Variants in RSPH14 observed in about 807,000 individuals in gnomAD.
RSPH14 encodes rhabdoid tumor deletion region gene 1.
In RSPH14, 20 loss-of-function variants were observed where a neutral mutation model predicts 26.7. That is an observed-to-expected ratio of 0.75 (90% CI 0.53 to 1.09). RSPH14 has a LOEUF of 1.09. Ranked by LOEUF, RSPH14 falls within the 50% of genes least tolerant of loss-of-function variation. The pLI is 0.00. For missense variants in RSPH14, 449 were observed against 457.2 expected (o/e 0.98, Z 0.16); for synonymous variants, 177 against 189.3 (o/e 0.93, Z 0.53).
At chr22:23,109,004 G>C (rs2069565153) in intron 4 of RSPH14, among the ~76,000 whole-genome samples, 1 of 152,240 alleles carries the variant, frequency 6.6e-6, no homozygotes, top group Non-Finnish European at 1.5e-5. Context: ...GAGGCTTCCA[G>C]GGGAGGCTGG....
the RSPH14 span, among the ~76,000 whole-genome samples, chr22:23,150,450 C>T: frequency 3.3e-5 from 5 of 151,948 alleles, no homozygotes; most frequent in Admixed American, 1.3e-4. Flanking sequence ...TACAGGCGCC[C>T]GCCACCACGC....
intron 3 of RSPH14, chr22:23,136,040 G>A (rs534457227): frequency 5.2e-5 from 18 of 344,084 alleles, no homozygotes; most frequent in Middle Eastern, 7.7e-4. Context: ...GTTTTGAATC[G>A]TCTGGAAAAA....
intron 4 of RSPH14, among the ~76,000 whole-genome samples, chr22:23,130,530 A>AAG (rs72334275): frequency 8.0e-6 from 1 of 124,392 alleles, no homozygotes; most frequent in South Asian, 2.7e-4. Context: ...GAAAGAAAGA[A>AAG]AGAGAAAGAA....
upstream of RSPH14, among the ~76,000 whole-genome samples, chr22:23,147,793 C>G (rs2070878961): frequency 6.6e-6 from 1 of 152,188 alleles, no homozygotes. Flanking sequence ...CTTCCTGGCA[C>G]AGACATGAGG....
chr22:23,153,539 C>T, the RSPH14 span: 2 of 984,024 alleles, frequency 2.0e-6, no homozygotes, highest in Middle Eastern at 5.2e-4. Flanking sequence ...AAAATGGGGT[C>T]AAATCCAGTC....
rs750610205 is a variant in RSPH14 at position 23,133,994 on chromosome 22, C to T, written c.421+32G>A. The T allele has an allele frequency of 7.8e-6, 12 of 1,538,898 alleles. No homozygotes were observed. In the South Asian group the frequency reaches 1.3e-4, roughly 17 times the overall value. ...GGAGACCGACGGACAACTTGAGTGC[C>T]CGACAGATCTGTGTGCAGGACGCAA... On this transcript the variant is annotated intron_variant, in intron 4 of 6. Coordinates refer to ENST00000216036, the MANE Select transcript of RSPH14 (RefSeq NM_014433.3).
intron 4 of RSPH14, among the ~76,000 whole-genome samples, chr22:23,074,183 C>A (rs2068449597): frequency 6.6e-6 from 1 of 151,808 alleles, no homozygotes; most frequent in Admixed American, 6.6e-5. Flanking sequence ...GCTGCCCTCC[C>A]AGGAGGAGCT....
upstream of RSPH14, among the ~76,000 whole-genome samples, chr22:23,142,250 T>A (rs2070619087): frequency 6.6e-6 from 1 of 152,232 alleles, no homozygotes; most frequent in South Asian, 2.1e-4. Context: ...CCTCTGATCC[T>A]CAGAGTAAAT....
chr22:23,096,229 C>T (rs752124457), intron 4 of RSPH14: 1 of 1,613,978 alleles, frequency 6.2e-7, no homozygotes, highest in Admixed American at 1.7e-5. Flanking sequence ...TCCTGCGCTC[C>T]CGGGACATGA....
chr22:23,076,672 T>C (rs1370748151), intron 4 of RSPH14, among the ~76,000 whole-genome samples: 1 of 152,232 alleles, frequency 6.6e-6, no homozygotes, highest in Non-Finnish European at 1.5e-5. Flanking sequence ...GTGGGGCCTT[T>C]GTCAGACACG....
intron 6 of RSPH14, among the ~76,000 whole-genome samples, chr22:23,060,200 G>C (rs558080127): frequency 6.6e-6 from 1 of 152,092 alleles, no homozygotes; most frequent in Admixed American, 6.5e-5. Flanking sequence ...AGCTGGGCGC[G>C]GTGGCTCACG....
intron 4 of RSPH14, among the ~76,000 whole-genome samples, chr22:23,090,133 C>T (rs545410307): frequency 4.5e-4 from 68 of 152,256 alleles, no homozygotes; most frequent in Non-Finnish European, 9.0e-4. Context: ...CTCATCTGTA[C>T]TGAGCCCTGG....
At chr22:23,079,379 A>G (rs1010476464) in intron 4 of RSPH14, among the ~76,000 whole-genome samples, 1 of 152,184 alleles carries the variant, frequency 6.6e-6, no homozygotes, top group Admixed American at 6.5e-5. Context: ...TCCAGGAGGA[A>G]GGAACAGCCA....
chr22:23,159,092 A>G, the RSPH14 span: 1 of 1,586,772 alleles, frequency 6.3e-7, no homozygotes. Flanking sequence ...GGAAGCAGGC[A>G]GCTGCCTATC....
the RSPH14 span, chr22:23,159,392 C>G: frequency 1.2e-6 from 1 of 826,854 alleles, no homozygotes; most frequent in African/African-American, 1.7e-5. Context: ...GGCATCACAG[C>G]CCTGCTGTGC....
At chr22:23,075,378 C>T (rs1411821547) in intron 4 of RSPH14, among the ~76,000 whole-genome samples, 1 of 152,180 alleles carries the variant, frequency 6.6e-6, no homozygotes, top group African/African-American at 2.4e-5. Context: ...GCTTCTTGCC[C>T]CTTGGTCTGT....
chr22:23,070,109 T>A (rs1311123873), intron 4 of RSPH14, among the ~76,000 whole-genome samples: 9 of 151,944 alleles, frequency 5.9e-5, no homozygotes. Flanking sequence ...CTTGCGGGAC[T>A]GCGGCGCGCG....
At chr22:23,169,625 G>A in the RSPH14 span, among the ~76,000 whole-genome samples, 1 of 152,126 alleles carries the variant, frequency 6.6e-6, no homozygotes, top group Admixed American at 6.6e-5. Flanking sequence ...GTCACTCTCT[G>A]AGCCCGTTTC....
intron 4 of RSPH14, among the ~76,000 whole-genome samples, chr22:23,079,774 T>A (rs1290504715): frequency 6.6e-6 from 1 of 152,010 alleles, no homozygotes; most frequent in East Asian, 1.9e-4. Context: ...CAATTAAGGG[T>A]TCCCCTGAGG....
Sources: allele counts gnomAD v4.1 joint callset (sites outside exome capture counted in the v4.1 genomes callset), GRCh38; gene constraint gnomAD v4.1.1; transcripts MANE v1.5; gene names NCBI Gene and HGNC (gene_info 2026-07-23, HGNC 2026-07-21).